The following PCDHGA1 variants were observed in gnomAD, a reference collection of about 807,000 sequenced individuals.
PCDHGA1 encodes the protein protocadherin gamma-A1.
Under a neutral mutation model 58.0 loss-of-function variants are expected in PCDHGA1, and 32 were observed. The ratio of observed to expected loss-of-function variants is 0.55; its 90% CI spans 0.42 to 0.74. The LOEUF (loss-of-function observed/expected upper bound fraction) is 0.74, where lower values mean the gene tolerates loss of function less well. Among genes scored for constraint, PCDHGA1 ranks in the 30% least tolerant of loss-of-function variants. The probability of loss-of-function intolerance (pLI) is 0.00; values close to 1 mark genes in which losing one functional copy is unlikely to be tolerated. For missense variants in PCDHGA1, 1,205 were observed against 1,182.3 expected, an observed-to-expected ratio of 1.02 and a Z score of -0.28; for synonymous variants, 498 against 501.1, an observed-to-expected ratio of 0.99 and a Z score of 0.08.
In PCDHGA1 at chr5:141,431,930, C is replaced by A. The variant is rs761060241; in HGVS notation, c.2422-62877C>A. 236 of 1,613,932 alleles carry A rather than the reference C, an allele frequency of 1.5e-4. 1 individual carries two copies. The highest frequency in any genetic ancestry group is 1.4e-3 in the South Asian group (124 of 91,086). The stretch of plus-strand genomic sequence containing the variant: ...GATCTGTTTCATCCAAGGAAATCTG[C>A]CCTTTAAATTAGAAAAATCTTACGG... On this transcript the variant is annotated intron_variant, in intron 1 of 3. Transcript: ENST00000517417. This position sits in a 1 kb window ranked among gnomAD's most constrained non-coding sequence, Gnocchi z 4.8.
intron 1 of PCDHGA1, among the ~76,000 whole-genome samples, chr5:141,373,465 A>G (rs2150023959): frequency 6.6e-6 from 1 of 152,348 alleles, no homozygotes; most frequent in Non-Finnish European, 1.5e-5. Flanking sequence ...AGCAGCTGCA[A>G]TGAGCTATAA....
chr5:141,344,898 G>A (rs367550413), intron 1 of PCDHGA1: 4 of 1,613,686 alleles, frequency 2.5e-6, no homozygotes, highest in East Asian at 2.2e-5. Flanking sequence ...TGGGAAAATC[G>A]CTGAGATTTT....
rs191354649 is a variant in PCDHGA1 at position 141,510,446 on chromosome 5, C to T, written c.2570-501C>T. 8.9e-4 allele frequency among the ~76,000 whole-genome samples: 135 copies of T among 152,154 alleles called. 1 individual carries two copies. Among genetic ancestry groups the T allele is most frequent in the Non-Finnish European group, 1.7e-3 (114 of 68,010 alleles). On this transcript the variant is annotated intron_variant, in intron 3 of 3. Coordinates refer to ENST00000517417, the MANE Select transcript of PCDHGA1 (RefSeq NM_018912.3). ...TTTCATGGCTGCTGCCCTCCAGGAG[C>T]CCATGGTCTAGTGTGGGAGTCAGAG...
In PCDHGA1 at chr5:141,345,914, C is replaced by T. The variant is rs199541335; in HGVS notation, c.2421+12809C>T. 8.1e-5 allele frequency: 131 copies of T among 1,613,326 alleles called. No homozygotes were observed. The Middle Eastern group carries it at 1.7e-3, about 21-fold the overall frequency. ...TGGGTCTGCACACGGGCGAGGTGCGCACGGCGCGAGCCCTGCTGGACAGAG... is the reference window on the plus strand; with the variant it reads ...TGGGTCTGCACACGGGCGAGGTGCGTACGGCGCGAGCCCTGCTGGACAGAG... On this transcript the variant is annotated intron_variant, in intron 1 of 3. Transcript: ENST00000517417.
chr5:141,425,394 G>C (rs186813737), intron 1 of PCDHGA1, among the ~76,000 whole-genome samples: 2 of 152,184 alleles, frequency 1.3e-5, no homozygotes, highest in Non-Finnish European at 2.9e-5. Context: ...TAGTGATAAA[G>C]TTCTGTTAAG....
At chr5:141,463,168 T>C (rs74924211) in intron 1 of PCDHGA1, among the ~76,000 whole-genome samples, 6,974 of 152,254 alleles carry the variant, frequency 0.046, 178 homozygotes, top group Middle Eastern at 0.082. Context: ...GTGCACTCTA[T>C]GTATGCTCAG....
chr5:141,406,707 T>C (rs1201619018), intron 1 of PCDHGA1, among the ~76,000 whole-genome samples: 1 of 152,228 alleles, frequency 6.6e-6, no homozygotes, highest in Non-Finnish European at 1.5e-5. Flanking sequence ...AGTATATGCT[T>C]GCTCAAGAGA....
intron 3 of PCDHGA1, among the ~76,000 whole-genome samples, chr5:141,508,506 C>G (rs2099869342): frequency 6.6e-6 from 1 of 152,180 alleles, no homozygotes; most frequent in Admixed American, 6.5e-5. Context: ...TCTCTCCCTC[C>G]TGGTCCAGCC....
In PCDHGA1 at chr5:141,412,947, C is replaced by T. The variant is rs930035804; in HGVS notation, c.2421+79842C>T. On this transcript the variant is annotated intron_variant, in intron 1 of 3. Coordinates refer to ENST00000517417, the MANE Select transcript of PCDHGA1 (RefSeq NM_018912.3). ...AGTAACTTCTTAGGACTCTGAGCGC[C>T]GCTGTTCACCTACTAGGAGAGAAAA... is the stretch of plus-strand genomic sequence containing the variant. The T allele has an allele frequency of 2.3e-5, 11 of 475,008 alleles. No individual in the cohort carries two copies. The Middle Eastern group carries it at 2.2e-3, about 94-fold the overall frequency. 29.4% of individuals were successfully genotyped at this position (475,008 alleles called of 1,614,324 possible). A position where few individuals can be genotyped will look rare whatever the true frequency, so the allele number is the denominator to read the frequency against.
chr5:141,443,207 C>T (rs907169095), intron 1 of PCDHGA1, among the ~76,000 whole-genome samples: 5 of 152,064 alleles, frequency 3.3e-5, no homozygotes, highest in African/African-American at 1.2e-4. Context: ...AAGAGCTTGT[C>T]TCGCCAGGCG....
chr5:141,354,470 G>C (rs1446177530), intron 1 of PCDHGA1, among the ~76,000 whole-genome samples: 1 of 152,216 alleles, frequency 6.6e-6, no homozygotes, highest in South Asian at 2.1e-4. Flanking sequence ...CATTTGTACA[G>C]GGTAAGGCTA....
chr5:141,395,605 A>G (rs1344642467), intron 1 of PCDHGA1: 3 of 198,976 alleles, frequency 1.5e-5, no homozygotes, highest in Non-Finnish European at 3.0e-5. Context: ...CCAAACTAGA[A>G]CTTCAGAAAA....
chr5:141,501,130 G>A (rs528942194), intron 2 of PCDHGA1, among the ~76,000 whole-genome samples: 5 of 152,100 alleles, frequency 3.3e-5, no homozygotes, highest in African/African-American at 4.8e-5. Flanking sequence ...GCCTCCCTAA[G>A]TGCTGGGATT....
intron 1 of PCDHGA1, chr5:141,422,152 G>A (rs979405624): frequency 1.3e-5 from 20 of 1,575,764 alleles, no homozygotes; most frequent in Non-Finnish European, 1.5e-5. Flanking sequence ...GGGGTCTCTG[G>A]ATTTTGAAAA....
chr5:141,356,080 T>C, intron 1 of PCDHGA1: 4 of 1,613,922 alleles, frequency 2.5e-6, no homozygotes, highest in East Asian at 2.2e-5. Flanking sequence ...GCTATTTCAG[T>C]TGAATTCTCT....
chr5:141,356,933 C>A, intron 1 of PCDHGA1: 1 of 1,614,184 alleles, frequency 6.2e-7, no homozygotes, highest in South Asian at 1.1e-5. Flanking sequence ...GTGGAGCTGG[C>A]ACCCCGCTCC....
Position 141,450,950 on chromosome 5 carries a change from A to G in PCDHGA1, c.2422-43857A>G, listed in dbSNP as rs1176916120. ...AGCAATTCTCCTACCTCAGCCTCCCAAGTAGCTGGGATTACAGGCATGTGC... is the reference window on the plus strand; with the variant it reads ...AGCAATTCTCCTACCTCAGCCTCCCGAGTAGCTGGGATTACAGGCATGTGC... On this transcript the variant is annotated intron_variant, in intron 1 of 3. Coordinates refer to ENST00000517417, the MANE Select transcript of PCDHGA1 (RefSeq NM_018912.3). Among the ~76,000 whole-genome samples, 9 of 150,714 alleles carry G rather than the reference A, an allele frequency of 6.0e-5. No individual in the cohort carries two copies. In the East Asian group the frequency reaches 1.6e-3, roughly 26 times the overall value.
chr5:141,428,886 G>T (rs1002869474), intron 1 of PCDHGA1: 3 of 149,710 alleles, frequency 2.0e-5, no homozygotes, highest in Non-Finnish European at 2.9e-5. Context: ...ACGGAGTCTC[G>T]CTCTGTGGTC....
chr5:141,338,432 T>A (rs1364932614), intron 1 of PCDHGA1, among the ~76,000 whole-genome samples: 1 of 152,254 alleles, frequency 6.6e-6, no homozygotes, highest in African/African-American at 2.4e-5. Flanking sequence ...CTGCTTCTGA[T>A]TATACAATAA....
Sources: allele counts gnomAD v4.1 joint callset (sites outside exome capture counted in the v4.1 genomes callset), GRCh38; gene constraint gnomAD v4.1.1; non-coding constraint Gnocchi (gnomAD v3.1); transcripts MANE v1.5; gene names NCBI Gene and HGNC (gene_info 2026-07-23, HGNC 2026-07-21).